The following PCED1B variants were observed in gnomAD, a reference collection of about 807,000 sequenced individuals.
PCED1B encodes the protein PC-esterase domain-containing protein 1B.
For synonymous variants in PCED1B, 251 were observed against 246.1 expected, an observed-to-expected ratio of 1.02 and a Z score of -0.19; for missense variants, 573 against 573.9, an observed-to-expected ratio of 1.00 and a Z score of 0.02.
At chr12:47,230,867 T>C (rs1943784994) in intron 3 of PCED1B, among the ~76,000 whole-genome samples, 1 of 152,232 alleles carries the variant, frequency 6.6e-6, no homozygotes, top group Non-Finnish European at 1.5e-5. Flanking sequence ...CAACTTTTAA[T>C]AATAATAACT....
intron 2 of PCED1B, among the ~76,000 whole-genome samples, chr12:47,145,474 C>T (rs890861621): frequency 1.3e-5 from 2 of 152,200 alleles, no homozygotes; most frequent in African/African-American, 2.4e-5. Context: ...AAGAAAATCC[C>T]GTCTAGGACT....
chr12:47,111,026 C>T (rs967854338), intron 2 of PCED1B, among the ~76,000 whole-genome samples: 1 of 152,240 alleles, frequency 6.6e-6, no homozygotes, highest in African/African-American at 2.4e-5. Context: ...TCTCCTCCCA[C>T]TGAATTCAAT....
chr12:47,231,206 G>A (rs1348985222), intron 3 of PCED1B, among the ~76,000 whole-genome samples: 2 of 152,182 alleles, frequency 1.3e-5, no homozygotes, highest in Non-Finnish European at 2.9e-5. Flanking sequence ...CAGAAGAGAA[G>A]CGCGTATGTT....
At chr12:47,231,406 TG>T (rs1943803688) in intron 3 of PCED1B, among the ~76,000 whole-genome samples, 1 of 1,294 alleles carries the variant, frequency 7.7e-4, no homozygotes, top group Non-Finnish European at 1.9e-3. Flanking sequence ...TTGGAGAGGG[TG>T]CTAAAGCTAG....
chr12:47,160,651 A>C (rs1489547199), intron 2 of PCED1B, among the ~76,000 whole-genome samples: 1 of 152,120 alleles, frequency 6.6e-6, no homozygotes, highest in Non-Finnish European at 1.5e-5. Context: ...ATCAGTGACA[A>C]ATCCAATGTT....
At chr12:47,179,388 A>G (rs1942026645) in intron 2 of PCED1B, among the ~76,000 whole-genome samples, 1 of 152,220 alleles carries the variant, frequency 6.6e-6, no homozygotes, top group Non-Finnish European at 1.5e-5. Context: ...AAATGCAAAA[A>G]TTGCACCAAT....
intron 2 of PCED1B, among the ~76,000 whole-genome samples, chr12:47,208,095 A>C (rs1942964781): frequency 6.6e-6 from 1 of 152,078 alleles, no homozygotes; most frequent in Non-Finnish European, 1.5e-5. Context: ...AATAAGCTAT[A>C]AGAAGTTTTC....
intron 2 of PCED1B, among the ~76,000 whole-genome samples, chr12:47,134,292 GTGTT>G (rs1555194084): frequency 6.6e-6 from 1 of 152,168 alleles, no homozygotes; most frequent in Non-Finnish European, 1.5e-5. Context: ...ATATAGTTGT[GTGTT>G]TGTTTTCCCT....
At position 47,235,369 on chromosome 12, in the gene PCED1B, C is replaced by G. The variant is rs552152393; in HGVS notation, c.306C>G (p.Leu102=). ...TCACCCGCGTGTACTCCGATTACCTCCAGACCATCTTGAAAGAGCTGCAGT... is the reference window on the plus strand; with the variant it reads ...TCACCCGCGTGTACTCCGATTACCTGCAGACCATCTTGAAAGAGCTGCAGT... ...YFLTRVYSDY[L]QTILKELQSG... Residue 102 remains leucine (L), a synonymous_variant, in exon 4 of 4, where the codon CTC becomes CTG. Coordinates refer to ENST00000546455, the MANE Select transcript of PCED1B (RefSeq NM_138371.3). 12 of 1,614,194 alleles carry G rather than the reference C, an allele frequency of 7.4e-6. No individual in the cohort carries two copies. The South Asian group carries it at 1.3e-4, about 18-fold the overall frequency.
rs141938843 is a variant in PCED1B, at chr12:47,183,001, T to C, written c.-525-33221T>C. Among the ~76,000 whole-genome samples the C allele has an allele frequency of 3.4e-3, 498 of 147,364 alleles. 8 individuals carry two copies. Among genetic ancestry groups the C allele is most frequent in the African/African-American group, 0.012 (485 of 40,582 alleles). On this transcript the variant is annotated intron_variant, in intron 2 of 3. Coordinates refer to ENST00000546455, the MANE Select transcript of PCED1B (RefSeq NM_138371.3). The stretch of plus-strand genomic sequence containing the variant: ...CAGCTAAAAGCTAAATTAGAATGGC[T>C]TCAGGGGTCTCTCTTTTTTTTTTTG...
intron 2 of PCED1B, among the ~76,000 whole-genome samples, chr12:47,179,007 A>G (rs1033973139): frequency 1.3e-5 from 2 of 152,202 alleles, no homozygotes; most frequent in African/African-American, 4.8e-5. Context: ...GCAATTGTCT[A>G]TCATTTTTAA....
chr12:47,105,636 C>T (rs1310123003), intron 2 of PCED1B, among the ~76,000 whole-genome samples: 1 of 152,078 alleles, frequency 6.6e-6, no homozygotes, highest in Non-Finnish European at 1.5e-5. Flanking sequence ...AACTGTTGCT[C>T]AAAACTGAAT....
At chr12:47,131,478 T>G (rs187287426) in intron 2 of PCED1B, among the ~76,000 whole-genome samples, 1 of 152,282 alleles carries the variant, frequency 6.6e-6, no homozygotes, top group Admixed American at 6.5e-5. Context: ...CATCCAGGTG[T>G]GTACACCATT....
intron 2 of PCED1B, among the ~76,000 whole-genome samples, chr12:47,144,530 C>T (rs1940715002): frequency 6.6e-6 from 1 of 152,098 alleles, no homozygotes; most frequent in Non-Finnish European, 1.5e-5. Flanking sequence ...TCTGCTTCTC[C>T]TTTATAGTCA....
chr12:47,183,014 CT>C (rs11317506), intron 2 of PCED1B, among the ~76,000 whole-genome samples: 41,725 of 147,488 alleles, frequency 0.28, 6,098 homozygotes, highest in East Asian at 0.56. Context: ...AGGGGTCTCT[CT>C]TTTTTTTTTT....
chr12:47,229,090 G>GAC (rs1287495072), intron 3 of PCED1B, among the ~76,000 whole-genome samples: 1 of 151,792 alleles, frequency 6.6e-6, no homozygotes, highest in East Asian at 1.9e-4. Flanking sequence ...AGTATGGGTT[G>GAC]AACATCCTTT....
chr12:47,199,334 A>G (rs1942697931), intron 2 of PCED1B, among the ~76,000 whole-genome samples: 1 of 152,234 alleles, frequency 6.6e-6, no homozygotes, highest in African/African-American at 2.4e-5. Flanking sequence ...CTTGATCTAT[A>G]GATTCAACAC....
intron 3 of PCED1B, among the ~76,000 whole-genome samples, chr12:47,225,575 A>C (rs1943609877): frequency 6.6e-6 from 1 of 152,248 alleles, no homozygotes; most frequent in Non-Finnish European, 1.5e-5. Flanking sequence ...TAAATTATAC[A>C]GGTGAGCTCA....
chr12:47,112,619 G>A (rs1939248042), intron 2 of PCED1B, among the ~76,000 whole-genome samples: 1 of 152,208 alleles, frequency 6.6e-6, no homozygotes, highest in African/African-American at 2.4e-5. Context: ...AGAAATTTGA[G>A]TGTTTGTCGT....
Sources: allele counts gnomAD v4.1 joint callset (sites outside exome capture counted in the v4.1 genomes callset), GRCh38; gene constraint gnomAD v4.1.1; transcripts MANE v1.5; gene names NCBI Gene and HGNC (gene_info 2026-07-23, HGNC 2026-07-21).